The following SSH2 variants were observed in gnomAD, a reference collection of about 807,000 sequenced individuals.
SSH2 encodes the protein slingshot protein phosphatase 2.
A neutral mutation model predicts 135.2 loss-of-function variants in SSH2; 37 were observed. The observed-to-expected ratio is 0.27, with a 90% confidence interval of 0.21 to 0.36. SSH2 has a LOEUF of 0.36. Ranked by LOEUF, SSH2 falls within the 10% of genes least tolerant of loss-of-function variation. SSH2 has a pLI of 1.00. For synonymous variants in SSH2, 628 were observed against 646.2 expected, an observed-to-expected ratio of 0.97 and a Z score of 0.43; for missense variants, 1,408 against 1,765.3, an observed-to-expected ratio of 0.80 and a Z score of 3.63.
intron 3 of SSH2, among the ~76,000 whole-genome samples, chr17:29,791,729 A>G (rs2042068715): frequency 6.6e-6 from 1 of 152,176 alleles, no homozygotes; most frequent in African/African-American, 2.4e-5. Flanking sequence ...AACACACTAA[A>G]TGTAAGACAT....
At chr17:29,921,931 T>A (rs940237437) in intron 1 of SSH2, among the ~76,000 whole-genome samples, 1 of 152,016 alleles carries the variant, frequency 6.6e-6, no homozygotes, top group African/African-American at 2.4e-5. Context: ...GTGGGGGAGA[T>A]AAGTAATAAA....
chr17:29,643,163 C>G (rs1417139381), intron 14 of SSH2: 1 of 985,186 alleles, frequency 1.0e-6, no homozygotes, highest in East Asian at 1.1e-4. Flanking sequence ...TTTTTCTTTG[C>G]TCTTCTAAGC....
intron 2 of SSH2, among the ~76,000 whole-genome samples, chr17:29,847,479 T>C (rs2043151815): frequency 6.6e-6 from 1 of 150,602 alleles, no homozygotes; most frequent in Non-Finnish European, 1.5e-5. Flanking sequence ...CCCCCTCAGG[T>C]TTTTTTGAGG....
At chr17:29,643,365 T>G (rs917074369) in intron 14 of SSH2, 1 of 720,388 alleles carries the variant, frequency 1.4e-6, no homozygotes, top group Non-Finnish European at 1.7e-6. Flanking sequence ...TCCCATGGGT[T>G]CAGGAAATGT....
intron 1 of SSH2, among the ~76,000 whole-genome samples, chr17:29,881,287 C>A (rs1260988656): frequency 2.0e-5 from 3 of 152,132 alleles, no homozygotes; most frequent in Non-Finnish European, 4.4e-5. Flanking sequence ...TTTCCCAAAC[C>A]TCAGTTATAG....
At chr17:29,797,828 C>CAGT (rs1436755658) in intron 2 of SSH2, among the ~76,000 whole-genome samples, 1 of 152,110 alleles carries the variant, frequency 6.6e-6, no homozygotes, top group Non-Finnish European at 1.5e-5. Flanking sequence ...TTTGAAGTTG[C>CAGT]AGTGAGCTAT....
intron 1 of SSH2, among the ~76,000 whole-genome samples, chr17:29,926,360 G>A (rs1205115495): frequency 1.4e-5 from 2 of 146,382 alleles, no homozygotes; most frequent in African/African-American, 5.1e-5. Flanking sequence ...GCAACATGGC[G>A]AAACCCCATC....
intron 1 of SSH2, among the ~76,000 whole-genome samples, chr17:29,894,907 C>G (rs1032856872): frequency 6.7e-6 from 1 of 148,674 alleles, no homozygotes; most frequent in Non-Finnish European, 1.5e-5. Flanking sequence ...ATGTGCAAAT[C>G]TGATCATACT....
intron 3 of SSH2, among the ~76,000 whole-genome samples, chr17:29,779,264 G>T (rs1326587171): frequency 6.6e-6 from 1 of 152,120 alleles, no homozygotes; most frequent in Non-Finnish European, 1.5e-5. Context: ...TAGTGTCTGT[G>T]AATACATTCT....
At chr17:29,850,899 G>A (rs971397083) in intron 1 of SSH2, among the ~76,000 whole-genome samples, 1 of 152,064 alleles carries the variant, frequency 6.6e-6, no homozygotes, top group Non-Finnish European at 1.5e-5. Context: ...GCAGGAGAAT[G>A]GCGTGAACCT....
At chr17:29,817,490 G>A (rs1270211553) in intron 2 of SSH2, among the ~76,000 whole-genome samples, 2 of 152,204 alleles carry the variant, frequency 1.3e-5, no homozygotes, top group Admixed American at 6.5e-5. Context: ...TCCTCAGGGA[G>A]TCATAATATG....
intron 2 of SSH2, 86 bp from the exon 3 acceptor site, chr17:29,794,023 T>C (rs1471632788): frequency 1.7e-5 from 18 of 1,059,164 alleles, no homozygotes; most frequent in Non-Finnish European, 2.6e-5. Context: ...AAGTTTCACA[T>C]GTTGTGTACT....
chr17:29,638,904 G>GA (rs1009427846), intron 14 of SSH2, among the ~76,000 whole-genome samples: 3 of 151,818 alleles, frequency 2.0e-5, no homozygotes, highest in Non-Finnish European at 4.4e-5. Context: ...ATTATAATCA[G>GA]AAAAAAACCT....
At chr17:29,769,180 C>T (rs1215096698) in intron 3 of SSH2, among the ~76,000 whole-genome samples, 2 of 152,304 alleles carry the variant, frequency 1.3e-5, no homozygotes, top group Admixed American at 6.5e-5. Context: ...GCTTATACAG[C>T]AGTATTTCAA....
chr17:29,646,229 C>T (rs1009516329), intron 14 of SSH2, among the ~76,000 whole-genome samples: 5 of 152,156 alleles, frequency 3.3e-5, no homozygotes, highest in Admixed American at 1.3e-4. Flanking sequence ...GGGATAATAA[C>T]GTAGTGCAAT....
chr17:29,662,421 C>T (rs2037087508), intron 11 of SSH2, among the ~76,000 whole-genome samples: 1 of 152,178 alleles, frequency 6.6e-6, no homozygotes, highest in Admixed American at 6.5e-5. Flanking sequence ...TTCCTATAGC[C>T]TCAATACTGT....
chr17:29,856,901 A>G (rs1325583513), intron 1 of SSH2, among the ~76,000 whole-genome samples: 4 of 152,180 alleles, frequency 2.6e-5, no homozygotes, highest in African/African-American at 7.2e-5. Context: ...TAAAAACTAC[A>G]TAACATAAAA....
chr17:29,678,741 G>C (rs1245619603), intron 6 of SSH2, among the ~76,000 whole-genome samples: 1 of 113,432 alleles, frequency 8.8e-6, no homozygotes, highest in Admixed American at 1.1e-4. Flanking sequence ...TTGAGACAGA[G>C]TCTCCCTCTG....
chr17:29,814,193 T>G (rs186188094), intron 2 of SSH2, among the ~76,000 whole-genome samples: 1 of 147,256 alleles, frequency 6.8e-6, no homozygotes, highest in Non-Finnish European at 1.5e-5. Flanking sequence ...TCCAGCACTT[T>G]GGGAGGCCGA....
Sources: gnomAD v4.1 joint callset for allele counts (sites outside exome capture counted in the v4.1 genomes callset) on GRCh38, gnomAD v4.1.1 for gene constraint, MANE v1.5 for transcripts, NCBI Gene and HGNC (gene_info 2026-07-23, HGNC 2026-07-21) for gene names.